NRG3: variants seen among roughly 807,000 people sequenced by gnomAD.
NRG3 encodes the protein pro-neuregulin-3, membrane-bound isoform.
A neutral mutation model predicts 66.9 loss-of-function variants in NRG3; 31 were observed. That is an observed-to-expected ratio of 0.46 (90% CI 0.35 to 0.63). The LOEUF is 0.63. NRG3 is among the 20% of genes least tolerant of loss of function. NRG3 has a pLI of 0.00. For synonymous variants in NRG3, 393 were observed against 359.4 expected (o/e 1.09, Z -1.06); for missense variants, 910 against 878.9 (o/e 1.04, Z -0.45).
intron 1 of NRG3, among the ~76,000 whole-genome samples, chr10:82,235,909 G>C (rs913380607): frequency 6.6e-6 from 1 of 151,832 alleles, no homozygotes; most frequent in Admixed American, 6.6e-5. Context: ...CTTGATTTTT[G>C]TAGATCACAG....
At chr10:82,724,954 C>A (rs1256756140) in intron 2 of NRG3, among the ~76,000 whole-genome samples, 1 of 152,176 alleles carries the variant, frequency 6.6e-6, no homozygotes, top group African/African-American at 2.4e-5. Context: ...AGAAGGCTGG[C>A]CTCTTTGATC....
chr10:82,246,442 C>A (rs917184278), intron 1 of NRG3, among the ~76,000 whole-genome samples: 2 of 152,108 alleles, frequency 1.3e-5, no homozygotes, highest in African/African-American at 4.8e-5. Context: ...AGCTGGATAA[C>A]TATTTACTAG....
chr10:82,920,195 T>C (rs1381140655), intron 4 of NRG3, among the ~76,000 whole-genome samples: 1 of 149,654 alleles, frequency 6.7e-6, no homozygotes, highest in Admixed American at 6.6e-5. Flanking sequence ...CTCTAGTTGA[T>C]AAAGTACTGT....
At chr10:82,966,968 T>C (rs990546608) in intron 6 of NRG3, among the ~76,000 whole-genome samples, 53 of 151,868 alleles carry the variant, frequency 3.5e-4, no homozygotes, top group African/African-American at 1.3e-3. Context: ...CTTGCTTATG[T>C]TGTACATTTT....
chr10:82,600,175 T>G (rs1271473621), intron 2 of NRG3, among the ~76,000 whole-genome samples: 1 of 152,174 alleles, frequency 6.6e-6, no homozygotes, highest in Non-Finnish European at 1.5e-5. Context: ...TATTTTTAAG[T>G]GCCTTTGCCT....
intron 2 of NRG3, among the ~76,000 whole-genome samples, chr10:82,554,401 C>A (rs2044515287): frequency 6.6e-6 from 1 of 152,072 alleles, no homozygotes; most frequent in Admixed American, 6.6e-5. Flanking sequence ...GTGAATACAT[C>A]CAACGATTAT....
rs1363560030 is a variant in NRG3 at position 82,720,805 on chromosome 10, T to TTATATATATATATATATATA, written c.954-17768_954-17767insTATATATATATATATATATA. 8.7e-4 allele frequency among the ~76,000 whole-genome samples: 55 copies of TTATATATATATATATATATA among 63,460 alleles called. 2 individuals are homozygous for TTATATATATATATATATATA. Among genetic ancestry groups the TTATATATATATATATATATA allele is most frequent in the African/African-American group, 3.9e-3 (54 of 13,746 alleles). The allele number at this position is 63,460 out of a possible 152,430, so 41.6% of individuals were successfully genotyped here. On this transcript the variant is annotated intron_variant, in intron 2 of 8. Coordinates refer to ENST00000372141, the MANE Select transcript of NRG3 (RefSeq NM_001010848.4). Reference sequence around the variant, plus strand: ...AGTAAAACACATATATAGGAGTATTTTATACATATATATATATATATATAT... The same window carrying TTATATATATATATATATATA: ...AGTAAAACACATATATAGGAGTATTTTATATATATATATATATATATATACATATATATATATATATATAT...
In NRG3 at chr10:82,021,414, A is replaced by T. The variant is rs1359307415; in HGVS notation, c.823+145251A>T. Among the ~76,000 whole-genome samples, 4 of 152,096 alleles carry T rather than the reference A, an allele frequency of 2.6e-5. No homozygotes were observed. The South Asian group carries it at 6.2e-4, about 24-fold the overall frequency. On this transcript the variant is annotated intron_variant, in intron 1 of 8. Transcript: ENST00000372141. ...TGGGATTTTTACACATACCCTGGAAACAAGTTAATTTTTCCTGGGGAAATC... is the reference window on the plus strand; with the variant it reads ...TGGGATTTTTACACATACCCTGGAATCAAGTTAATTTTTCCTGGGGAAATC...
intron 1 of NRG3, among the ~76,000 whole-genome samples, chr10:82,244,594 G>A (rs1009842467): frequency 3.3e-5 from 5 of 152,114 alleles, no homozygotes; most frequent in Non-Finnish European, 7.3e-5. Flanking sequence ...CGTTCTATTA[G>A]TATGTATAAT....
chr10:82,593,957 G>A (rs1288498911), intron 2 of NRG3, among the ~76,000 whole-genome samples: 2 of 152,002 alleles, frequency 1.3e-5, no homozygotes, highest in African/African-American at 4.8e-5. Context: ...TTTTAAGAAT[G>A]TGTAAAAGCC....
chr10:82,650,296 A>G (rs1181315609), intron 2 of NRG3, among the ~76,000 whole-genome samples: 9 of 152,206 alleles, frequency 5.9e-5, no homozygotes, highest in South Asian at 2.1e-4. Flanking sequence ...GCTGCTATTC[A>G]TTAAGGAGGA....
At chr10:81,882,121 C>T (rs116783736) in intron 1 of NRG3, among the ~76,000 whole-genome samples, 24 of 152,274 alleles carry the variant, frequency 1.6e-4, no homozygotes, top group South Asian at 2.1e-4. Flanking sequence ...GAACAACTGA[C>T]GTAAACAAAT....
intron 2 of NRG3, among the ~76,000 whole-genome samples, chr10:82,571,705 A>G (rs2045746188): frequency 6.6e-6 from 1 of 151,734 alleles, no homozygotes. Context: ...ATCCAAAGAA[A>G]AGTATGAAGC....
chr10:81,933,671 T>C (rs1458571114), intron 1 of NRG3, among the ~76,000 whole-genome samples: 6 of 152,170 alleles, frequency 3.9e-5, no homozygotes, highest in Admixed American at 3.9e-4. Flanking sequence ...GCACCTCTTC[T>C]CAGTTGGTAA....
chr10:81,975,425 G>A (rs1261536609), intron 1 of NRG3, among the ~76,000 whole-genome samples: 1 of 151,858 alleles, frequency 6.6e-6, no homozygotes, highest in South Asian at 2.1e-4. Context: ...ATCATGGCAG[G>A]TGTCTCAGTC....
At chr10:82,471,898 A>T (rs982976916) in intron 2 of NRG3, among the ~76,000 whole-genome samples, 1 of 151,936 alleles carries the variant, frequency 6.6e-6, no homozygotes, top group Non-Finnish European at 1.5e-5. Context: ...TCGAAAAAAA[A>T]AAAAATCAAG....
intron 1 of NRG3, among the ~76,000 whole-genome samples, chr10:81,990,815 A>G (rs2060710832): frequency 6.6e-6 from 1 of 152,152 alleles, no homozygotes; most frequent in Non-Finnish European, 1.5e-5. Flanking sequence ...ATATTTGTCA[A>G]GGTAACTTTT....
At chr10:82,309,579 C>T (rs1210739974) in intron 1 of NRG3, among the ~76,000 whole-genome samples, 1 of 152,116 alleles carries the variant, frequency 6.6e-6, no homozygotes, top group African/African-American at 2.4e-5. Flanking sequence ...ACCACTTTCT[C>T]TATCCAAGCT....
chr10:82,198,599 A>G (rs1236867458), intron 1 of NRG3, among the ~76,000 whole-genome samples: 1 of 152,194 alleles, frequency 6.6e-6, no homozygotes, highest in Non-Finnish European at 1.5e-5. Flanking sequence ...GAGGTTTAAA[A>G]AAGTGTTGTT....
Sources: gnomAD v4.1 joint callset for allele counts (sites outside exome capture counted in the v4.1 genomes callset) on GRCh38, gnomAD v4.1.1 for gene constraint, MANE v1.5 for transcripts, NCBI Gene and HGNC (gene_info 2026-07-23, HGNC 2026-07-21) for gene names.